Variants in GUCY1A1 observed in about 807,000 individuals in gnomAD.
The protein encoded by GUCY1A1 is guanylate cyclase 1 soluble subunit alpha 1, also known as guanylate cyclase soluble subunit alpha-1.
Under a neutral mutation model 64.5 loss-of-function variants are expected in GUCY1A1, and 48 were observed. The ratio of observed to expected loss-of-function variants is 0.74; its 90% CI spans 0.59 to 0.95. The LOEUF is 0.95. Among genes scored for constraint, GUCY1A1 ranks in the 40% least tolerant of loss-of-function variants. The pLI, the probability that GUCY1A1 is intolerant of heterozygous loss-of-function variation, is 0.00. For missense variants in GUCY1A1, 804 were observed against 825.3 expected, an observed-to-expected ratio of 0.97 and a Z score of 0.32; for synonymous variants, 308 against 303.4, an observed-to-expected ratio of 1.02 and a Z score of -0.16.
At chr4:155,714,059 A>G (rs756850804) in intron 7 of GUCY1A1, among the ~76,000 whole-genome samples, 10 of 152,226 alleles carry the variant, frequency 6.6e-5, no homozygotes, top group Non-Finnish European at 1.2e-4. Flanking sequence ...AGATTACTTC[A>G]ATATAGAGTT....
rs1048853944 is a variant in GUCY1A1 at position 155,676,227 on chromosome 4, T to C, written c.-113+8808T>C. On this transcript the variant is annotated intron_variant, in intron 2 of 9. Transcript: ENST00000506455. The stretch of plus-strand genomic sequence containing the variant: ...GAAAATGAGACCTAAATAGGGTGTA[T>C]TGGGCAACAATACAGGGCTTAAATA... Among the ~76,000 whole-genome samples the C allele has an allele frequency of 4.7e-5, 7 of 150,452 alleles. No homozygotes were observed. In the East Asian group the frequency reaches 1.4e-3, roughly 29 times the overall value.
chr4:155,708,455 G>A (rs1463250365), intron 5 of GUCY1A1, among the ~76,000 whole-genome samples, 161 bp downstream of exon 5: 2 of 152,020 alleles, frequency 1.3e-5, no homozygotes, highest in Non-Finnish European at 2.9e-5. Context: ...GATACTATAT[G>A]TTTTTGTTTG....
Position 155,710,616 on chromosome 4 carries a change from A to C in GUCY1A1, c.451A>C (p.Ile151Leu). The change falls in exon 6 of 10, where the codon ATC (isoleucine) becomes CTC (leucine). Residue 151 changes from isoleucine (I) to leucine (L), a missense_variant. By Grantham distance (5) the Ile-to-Leu change is conservative (BLOSUM62 2). Transcript: ENST00000506455. ...AATATGTTACGAGGAAGATGAAAAC[A>C]TCCTTGGGGTGGTTGGAGGCACCCT... Reference protein sequence around the residue: ...FKICYEEDENILGVVGGTLKD... With the variant: ...FKICYEEDENLLGVVGGTLKD... 6.2e-7 allele frequency: 1 copy of C among 1,613,562 alleles called. No individual in the cohort carries two copies. The highest frequency in any genetic ancestry group is 8.5e-7 in the Non-Finnish European group (1 of 1,179,630).
At chr4:155,724,238 T>G (rs1656169390) in intron 9 of GUCY1A1, among the ~76,000 whole-genome samples, 1 of 152,268 alleles carries the variant, frequency 6.6e-6, no homozygotes, top group East Asian at 1.9e-4. Context: ...AAATTAACTC[T>G]CTATGATCAA....
chr4:155,700,960 T>A (rs1731006152), intron 3 of GUCY1A1, among the ~76,000 whole-genome samples: 1 of 152,042 alleles, frequency 6.6e-6, no homozygotes, highest in Non-Finnish European at 1.5e-5. Context: ...AGTCCTGAAG[T>A]GGTTGATTTT....
At chr4:155,716,856 A>G (rs1733302347) in intron 7 of GUCY1A1, among the ~76,000 whole-genome samples, 2 of 152,082 alleles carry the variant, frequency 1.3e-5, no homozygotes, top group Admixed American at 1.3e-4. Flanking sequence ...ACTATCTTAT[A>G]TGGTGAAAAA....
At chr4:155,710,441 A>C in intron 5 of GUCY1A1, 101 bp from the exon 6 acceptor site, 1 of 713,084 alleles carries the variant, frequency 1.4e-6, no homozygotes, top group Non-Finnish European at 2.4e-6. Context: ...ATATAAAGGG[A>C]GCTAAATCAG....
chr4:155,689,467 A>G (rs1363677980), intron 2 of GUCY1A1, among the ~76,000 whole-genome samples: 2 of 152,214 alleles, frequency 1.3e-5, no homozygotes, highest in Non-Finnish European at 2.9e-5. Context: ...TAGTCATCAC[A>G]CGGGAGAGTT....
chr4:155,670,568 A>G (rs923695686), intron 2 of GUCY1A1, among the ~76,000 whole-genome samples: 1 of 152,178 alleles, frequency 6.6e-6, no homozygotes, highest in Non-Finnish European at 1.5e-5. Context: ...CAGAGGATGA[A>G]CAGAGTTATT....
chr4:155,714,802 A>T (rs979920005), intron 7 of GUCY1A1, among the ~76,000 whole-genome samples: 1 of 152,218 alleles, frequency 6.6e-6, no homozygotes, highest in Admixed American at 6.5e-5. Context: ...TCCCTTGGGG[A>T]AAAAGAGGTC....
At chr4:155,700,039 G>T (rs1730883028) in intron 3 of GUCY1A1, among the ~76,000 whole-genome samples, 1 of 152,100 alleles carries the variant, frequency 6.6e-6, no homozygotes, top group African/African-American at 2.4e-5. Context: ...AAAGATAACT[G>T]GAGAAATGGA....
chr4:155,682,482 C>T (rs1402789621), intron 2 of GUCY1A1, among the ~76,000 whole-genome samples: 2 of 151,984 alleles, frequency 1.3e-5, no homozygotes, highest in Non-Finnish European at 2.9e-5. Flanking sequence ...CGAGCCTGAC[C>T]AACATGGTGA....
At chr4:155,694,252 C>T (rs6839022) in intron 2 of GUCY1A1, among the ~76,000 whole-genome samples, 36,782 of 152,010 alleles carry the variant, frequency 0.24, 4,567 homozygotes, top group Middle Eastern at 0.31. Flanking sequence ...TGTTCAAAAA[C>T]TGGATCCCAG....
intron 2 of GUCY1A1, among the ~76,000 whole-genome samples, chr4:155,686,490 A>C (rs1729021775): frequency 6.6e-6 from 1 of 152,262 alleles, no homozygotes; most frequent in Non-Finnish European, 1.5e-5. Flanking sequence ...CAAAAAAAAG[A>C]ATTATCACTG....
intron 2 of GUCY1A1, among the ~76,000 whole-genome samples, chr4:155,675,999 C>G (rs796211805): frequency 6.6e-6 from 1 of 151,576 alleles, no homozygotes; most frequent in African/African-American, 2.4e-5. Flanking sequence ...TGGGTTGATG[C>G]AATCTTTTGG....
chr4:155,720,630 G>A (rs955954356), intron 8 of GUCY1A1, among the ~76,000 whole-genome samples: 5 of 152,094 alleles, frequency 3.3e-5, no homozygotes, highest in Admixed American at 3.3e-4. Flanking sequence ...GCTTTTGTTT[G>A]AAAATTTTGT....
At chr4:155,700,264 C>A (rs965751781) in intron 3 of GUCY1A1, among the ~76,000 whole-genome samples, 1 of 152,024 alleles carries the variant, frequency 6.6e-6, no homozygotes, top group South Asian at 2.1e-4. Context: ...GATAAGATCC[C>A]AAATCAAGTA....
chr4:155,692,987 A>T (rs1729950465), intron 2 of GUCY1A1, among the ~76,000 whole-genome samples: 1 of 152,118 alleles, frequency 6.6e-6, no homozygotes, highest in Non-Finnish European at 1.5e-5. Context: ...TGAGCCCAGG[A>T]GGCGGAGGTT....
chr4:155,715,465 G>T (rs1298571642), intron 7 of GUCY1A1, among the ~76,000 whole-genome samples: 1 of 152,160 alleles, frequency 6.6e-6, no homozygotes, highest in East Asian at 1.9e-4. Flanking sequence ...TTGCCAGCAT[G>T]GGTGCGCAGT....
Sources: gnomAD v4.1 joint callset for allele counts (sites outside exome capture counted in the v4.1 genomes callset) on GRCh38, gnomAD v4.1.1 for gene constraint, MANE v1.5 for transcripts, NCBI Gene and HGNC (gene_info 2026-07-23, HGNC 2026-07-21) for gene names.